The following SNIP1 variants were observed in gnomAD, a reference collection of about 807,000 sequenced individuals.
SNIP1 encodes Smad nuclear interacting protein 1.
SNIP1 carries 23 observed loss-of-function variants against 37.4 expected under a neutral mutation model. The observed-to-expected ratio is 0.61, with a 90% CI of 0.44 to 0.87. The LOEUF (loss-of-function observed/expected upper bound fraction) is 0.87, where lower values mean the gene tolerates loss of function less well. SNIP1 is among the 40% of genes least tolerant of loss of function. The pLI, the probability that SNIP1 is intolerant of heterozygous loss-of-function variation, is 0.00. For missense variants in SNIP1, 459 were observed against 540.4 expected (o/e 0.85, Z 1.49); for synonymous variants, 174 against 200.0 (o/e 0.87, Z 1.10).
At chr1:37,538,155 G>A (rs1346618198) in intron 3 of SNIP1, 143 bp from the exon 4 acceptor site, 2 of 996,836 alleles carry the variant, frequency 2.0e-6, no homozygotes, top group Non-Finnish European at 2.8e-6. Flanking sequence ...GGGAATCAAA[G>A]AAATCAAGGG....
chr1:37,544,308 C>T (rs1337187138), intron 2 of SNIP1, among the ~76,000 whole-genome samples: 1 of 149,304 alleles, frequency 6.7e-6, no homozygotes, highest in Non-Finnish European at 1.5e-5. Flanking sequence ...TAGAAGGGCG[C>T]GGTGGCAGGC....
rs11374263 is a variant in SNIP1, at chr1:37,544,446, CA to C, written c.328-3692del. Among the ~76,000 whole-genome samples the C allele has an allele frequency of 2.8e-3, 261 of 94,182 alleles. 2 individuals are homozygous for C. Among genetic ancestry groups the C allele is most frequent in the Middle Eastern group, 0.012 (2 of 168 alleles). The allele number at this position is 94,182 out of a possible 152,430, so 61.8% of individuals were successfully genotyped here. A position where few individuals can be genotyped will look rare whatever the true frequency, so the allele number is the denominator to read the frequency against. On this transcript the variant is annotated intron_variant, in intron 2 of 3. Coordinates refer to ENST00000296215, the MANE Select transcript of SNIP1 (RefSeq NM_024700.4). ...GGGTGGACAGAATGAGACTCTGTCT[CA>C]AAAAAAAAAAAAAAAAAAGAAAGAA...
intron 2 of SNIP1, among the ~76,000 whole-genome samples, chr1:37,551,218 C>T (rs546791415): frequency 6.7e-6 from 1 of 148,536 alleles, no homozygotes; most frequent in South Asian, 2.1e-4. Context: ...CGCAGTGAGC[C>T]GAGATCGTGC....
intron 1 of SNIP1, among the ~76,000 whole-genome samples, chr1:37,553,426 T>C (rs1643326117): frequency 6.6e-6 from 1 of 152,242 alleles, no homozygotes; most frequent in Non-Finnish European, 1.5e-5. Flanking sequence ...TTTTTTATCA[T>C]GTCTCAGGGT....
At chr1:37,545,225 G>A in intron 2 of SNIP1, 6 of 668,190 alleles carry the variant, frequency 9.0e-6, no homozygotes, top group South Asian at 5.5e-5. Flanking sequence ...TGCGCAAGAT[G>A]AGGGCACCCG....
Position 37,554,120 on chromosome 1 carries a change from T to A in SNIP1, c.110A>T (p.Glu37Val), listed in dbSNP as rs1237079791. The change falls in exon 1 of 4, where the codon GAA (glutamate) becomes GTA (valine). Residue 37 changes from glutamate to valine, a missense_variant. Transcript: ENST00000296215. Reference protein sequence around the residue: ...VVVKQERLSPEVAPPAHRRPD... With the variant: ...VVVKQERLSPVVAPPAHRRPD... ...ACGGCGGTGGGCGGGAGGTGCGACTTCTGGGCTGAGACGCTCCTGCTTCAC... is the reference window on the plus strand; with the variant it reads ...ACGGCGGTGGGCGGGAGGTGCGACTACTGGGCTGAGACGCTCCTGCTTCAC... The A allele has an allele frequency of 6.2e-7, 1 of 1,612,640 alleles. No homozygotes were observed. The highest frequency in any genetic ancestry group is 1.3e-5 in the African/African-American group (1 of 74,802).
chr1:37,549,219 C>T (rs1355554003), intron 2 of SNIP1, among the ~76,000 whole-genome samples: 1 of 151,774 alleles, frequency 6.6e-6, no homozygotes, highest in Non-Finnish European at 1.5e-5. Flanking sequence ...TTTAAAATAC[C>T]CTTTATAATC....
At chr1:37,545,262 G>T in intron 2 of SNIP1, 1 of 643,118 alleles carries the variant, frequency 1.6e-6, no homozygotes, top group South Asian at 1.4e-5. Context: ...ATATTTCTCT[G>T]ACAAGCACAC....
Position 37,537,666 on chromosome 1 carries a change from A to T in SNIP1, c.*82T>A. 2 of 1,452,942 alleles carry T rather than the reference A, an allele frequency of 1.4e-6. No individual in the cohort carries two copies. The highest frequency in any genetic ancestry group is 1.3e-5 in the South Asian group (1 of 76,554). The allele number at this position is 1,452,942 out of a possible 1,614,324, so 90.0% of individuals were successfully genotyped here. A position where few individuals can be genotyped will look rare whatever the true frequency, so the allele number is the denominator to read the frequency against. ...ATTACAGAGAGCACCATAGTGCTGG[A>T]CCCACCACCATAGTGCTCTCTGAGT... On this transcript the variant is annotated 3_prime_UTR_variant, in exon 4 of 4. Transcript: ENST00000296215.
chr1:37,550,581 C>G (rs773810574), intron 2 of SNIP1, among the ~76,000 whole-genome samples: 3 of 151,822 alleles, frequency 2.0e-5, no homozygotes, highest in Non-Finnish European at 4.4e-5. Context: ...GTGGCACGAG[C>G]CTGTAATCTC....
At chr1:37,538,146 G>A in intron 3 of SNIP1, 134 bp from the exon 4 acceptor site, 1 of 1,066,832 alleles carries the variant, frequency 9.4e-7, no homozygotes, top group Admixed American at 3.2e-5. Flanking sequence ...AAAATTCTAG[G>A]GAATCAAAGA....
At chr1:37,553,047 G>GT (rs1205870313) in intron 1 of SNIP1, among the ~76,000 whole-genome samples, 2 of 151,920 alleles carry the variant, frequency 1.3e-5, no homozygotes, top group Non-Finnish European at 2.9e-5. Context: ...ATCACCATCC[G>GT]TAAGTCACCC....
In SNIP1 at chr1:37,540,311, G is replaced by A; in HGVS notation, c.772C>T (p.Arg258Trp). The A allele has an allele frequency of 1.9e-6, 3 of 1,614,130 alleles. No individual in the cohort carries two copies. The highest frequency in any genetic ancestry group is 2.5e-6 in the Non-Finnish European group (3 of 1,180,028). Residue 258 changes from arginine (R) to tryptophan (W), a missense_variant, in exon 3 of 4, where the codon CGG (arginine) becomes TGG (tryptophan). By Grantham distance (101) the Arg-to-Trp change is moderately radical. Coordinates refer to ENST00000296215, the MANE Select transcript of SNIP1 (RefSeq NM_024700.4). The surrounding 1 kb of genome is among the most constrained non-coding windows in gnomAD (Gnocchi z 5.6). Reference sequence around the variant, plus strand: ...TTTTTAAATGGGTAGAGACGCCACCGTTTTTTGGGGATACGTGCTTCTGGG... The same window carrying A: ...TTTTTAAATGGGTAGAGACGCCACCATTTTTTGGGGATACGTGCTTCTGGG... ...EPPEARIPKK[R>W]WRLYPFKNDE...
chr1:37,540,684 C>G lies in SNIP1; in HGVS notation c.399G>C (p.Arg133Ser), dbSNP rs1242847942. 6.2e-7 allele frequency: 1 copy of G among 1,613,940 alleles called. No individual in the cohort carries two copies. The highest frequency in any genetic ancestry group is 1.7e-5 in the Admixed American group (1 of 59,984). The change falls in exon 3 of 4, where the codon AGG becomes AGC. Residue 133 changes from arginine to serine, a missense_variant. Arg to Ser is a moderately radical substitution (Grantham distance 110, BLOSUM62 -1). Coordinates refer to ENST00000296215, the MANE Select transcript of SNIP1 (RefSeq NM_024700.4). The surrounding 1 kb of genome is among the most constrained non-coding windows in gnomAD (Gnocchi z 5.6). ...TGTCCCGGTCACTGTTCCTAGCTCT[C>G]CTGTGTTCCTGTTCTGATGGTTCCC... ...QHREPSEQEHRRARNSDRDRH... is the reference protein window; with the variant it reads ...QHREPSEQEHSRARNSDRDRH...
intron 2 of SNIP1, chr1:37,544,615 C>T (rs762338034): frequency 3.6e-5 from 16 of 446,674 alleles, no homozygotes; most frequent in Non-Finnish European, 5.4e-5. Flanking sequence ...AGTGCTTGGA[C>T]GGAACCAGGC....
In SNIP1 at chr1:37,537,709, G is replaced by A; in HGVS notation, c.*39C>T. 6.3e-7 allele frequency: 1 copy of A among 1,586,930 alleles called. No individual in the cohort carries two copies. Among genetic ancestry groups the A allele is most frequent in the African/African-American group, 1.3e-5 (1 of 74,424 alleles). On this transcript the variant is annotated 3_prime_UTR_variant, in exon 4 of 4. Transcript: ENST00000296215. ...CTCTGAGTCAATCAAAGACTTCCAA[G>A]AAGGAAACCGTGTATCAATAGTTTG...
chr1:37,543,246 C>A (rs760721391), intron 2 of SNIP1, among the ~76,000 whole-genome samples: 40 of 152,070 alleles, frequency 2.6e-4, no homozygotes, highest in Non-Finnish European at 4.6e-4. Context: ...ACTGCTGGTA[C>A]AGGTATAAAC....
rs182976483 is a variant in SNIP1 at position 37,545,700 on chromosome 1, G to A, written c.328-4945C>T. On this transcript the variant is annotated intron_variant, in intron 2 of 3. Coordinates refer to ENST00000296215, the MANE Select transcript of SNIP1 (RefSeq NM_024700.4). ...AGGCAGGACGCAGTGGCTCCCACCT[G>A]TAATCCCAGCACTTTGGAAGGCCGA... 2.3e-3 allele frequency among the ~76,000 whole-genome samples: 344 copies of A among 152,212 alleles called. 3 individuals carry two copies. Among genetic ancestry groups the A allele is most frequent in the African/African-American group, 7.0e-3 (291 of 41,544 alleles).
intron 2 of SNIP1, among the ~76,000 whole-genome samples, chr1:37,542,308 G>A (rs959034650): frequency 2.0e-5 from 3 of 152,224 alleles, no homozygotes; most frequent in African/African-American, 7.2e-5. Context: ...AGTGACTCAG[G>A]ATAGTGACCA....
Sources: allele counts gnomAD v4.1 joint callset (sites outside exome capture counted in the v4.1 genomes callset), GRCh38; gene constraint gnomAD v4.1.1; non-coding constraint Gnocchi (gnomAD v3.1); transcripts MANE v1.5; gene names NCBI Gene and HGNC (gene_info 2026-07-23, HGNC 2026-07-21).